CCDC88A: variants seen among roughly 807,000 people sequenced by gnomAD.
The protein encoded by CCDC88A is girdin.
Under a neutral mutation model 234.3 loss-of-function variants are expected in CCDC88A, and 54 were observed. That is an observed-to-expected ratio of 0.23 (90% confidence interval 0.19 to 0.29). The LOEUF is 0.29. Ranked by LOEUF, CCDC88A falls within the 10% of genes least tolerant of loss-of-function variation. CCDC88A has a pLI of 1.00. For missense variants in CCDC88A, 1,832 were observed against 2,123.4 expected (o/e 0.86, Z 2.70); for synonymous variants, 753 against 737.8 (o/e 1.02, Z -0.33).
chr2:55,396,584 G>C (rs1034362207), intron 2 of CCDC88A, among the ~76,000 whole-genome samples: 1 of 151,902 alleles, frequency 6.6e-6, no homozygotes, highest in Non-Finnish European at 1.5e-5. Context: ...AAAAAAAAAG[G>C]TTGCACCTGG....
chr2:55,354,959 A>G (rs1670371639), intron 8 of CCDC88A, among the ~76,000 whole-genome samples: 1 of 149,324 alleles, frequency 6.7e-6, no homozygotes, highest in Admixed American at 6.8e-5. Flanking sequence ...ATGCCTACAC[A>G]GGGTCAGGAA....
rs1488498465 is a variant in CCDC88A at position 55,374,869 on chromosome 2, T to C, written c.288A>G (p.Gln96=). 7 of 1,606,372 alleles carry C rather than the reference T, an allele frequency of 4.4e-6. No individual in the cohort carries two copies. Among genetic ancestry groups the C allele is most frequent in the African/African-American group, 1.3e-5 (1 of 74,840 alleles). Residue 96 remains glutamine, a synonymous_variant, in exon 4 of 33, where the codon CAA becomes CAG. Transcript: ENST00000436346. ...IKFYYQETLQ[Q]LIMMSLPNVL... Reference sequence around the variant, plus strand: ...CATTTGGCAACGACATCATGATCAATTGCTGCAAAGTCTCCTGTAAAAAAA... The same window carrying C: ...CATTTGGCAACGACATCATGATCAACTGCTGCAAAGTCTCCTGTAAAAAAA...
chr2:55,307,137 A>T (rs1681691535), intron 25 of CCDC88A, among the ~76,000 whole-genome samples: 1 of 152,174 alleles, frequency 6.6e-6, no homozygotes, highest in African/African-American at 2.4e-5. Context: ...CATATTTTGT[A>T]AGAACTTTGA....
chr2:55,369,449 C>CTT (rs10587591), intron 5 of CCDC88A, among the ~76,000 whole-genome samples: 16 of 125,444 alleles, frequency 1.3e-4, no homozygotes, highest in Non-Finnish European at 2.0e-4. Flanking sequence ...TTCAACCACA[C>CTT]TTTTTTTTTT....
At position 55,304,473 on chromosome 2, in the gene CCDC88A, A is replaced by G. The variant is rs185707003; in HGVS notation, c.4388-1321T>C. Among the ~76,000 whole-genome samples, 501 of 152,304 alleles carry G rather than the reference A, an allele frequency of 3.3e-3. 2 individuals carry two copies. Among genetic ancestry groups the G allele is most frequent in the African/African-American group, 8.2e-3 (342 of 41,554 alleles). ...TTCTAAAGATTAAATAAACAATCAC[A>G]TTAAGTTCATTTTACAAAAGATTCG... On this transcript the variant is annotated intron_variant, in intron 25 of 32. Coordinates refer to ENST00000436346, the MANE Select transcript of CCDC88A (RefSeq NM_001365480.1).
At chr2:55,348,536 G>A (rs933225331) in intron 9 of CCDC88A, 2 of 152,198 alleles carry the variant, frequency 1.3e-5, no homozygotes, top group African/African-American at 4.8e-5. Context: ...GCCTCCCAAA[G>A]TGCTGGGATT....
Position 55,289,424 on chromosome 2 carries a change from T to C in CCDC88A, c.*1776A>G, listed in dbSNP as rs1031142743. The C allele has an allele frequency of 6.6e-6, 1 of 152,558 alleles. No homozygotes were observed. Among genetic ancestry groups the C allele is most frequent in the Non-Finnish European group, 1.5e-5 (1 of 68,022 alleles). The allele number at this position is 152,558 out of a possible 1,614,324, so 9.5% of individuals were successfully genotyped here. ...AGACTGCTCTGATACCTATTACCAA[T>C]GTGCTACTTGAATCCAGGGAGTTAT... On this transcript the variant is annotated 3_prime_UTR_variant, in exon 33 of 33. Coordinates refer to ENST00000436346, the MANE Select transcript of CCDC88A (RefSeq NM_001365480.1).
intron 5 of CCDC88A, among the ~76,000 whole-genome samples, chr2:55,369,811 T>C (rs1449671481): frequency 6.6e-6 from 1 of 152,144 alleles, no homozygotes; most frequent in Non-Finnish European, 1.5e-5. Flanking sequence ...TTCCTAATAC[T>C]ACCAGTAAAC....
intron 3 of CCDC88A, among the ~76,000 whole-genome samples, chr2:55,376,988 G>A (rs1673749299): frequency 6.6e-6 from 1 of 152,022 alleles, no homozygotes. Context: ...CCACCACCAT[G>A]CCTGGCTAAT....
At chr2:55,401,494 GTATACA>G (rs1309886646) in intron 2 of CCDC88A, among the ~76,000 whole-genome samples, 1 of 7,462 alleles carries the variant, frequency 1.3e-4, no homozygotes, top group African/African-American at 4.5e-4. Context: ...ATGTGTGTGT[GTATACA>G]TATATATATA....
At chr2:55,311,410 A>G (rs760192812) in intron 23 of CCDC88A, among the ~76,000 whole-genome samples, 1 of 152,214 alleles carries the variant, frequency 6.6e-6, no homozygotes, top group Non-Finnish European at 1.5e-5. Flanking sequence ...CTGGTGCTTC[A>G]GAAAAATGTA....
At chr2:55,312,295 A>C in intron 23 of CCDC88A, 139 bp downstream of exon 23, 1 of 651,874 alleles carries the variant, frequency 1.5e-6, no homozygotes, top group Non-Finnish European at 2.6e-6. Context: ...GATTATTAGA[A>C]TAGTGCCTGG....
chr2:55,412,523 T>C (rs187199106), intron 2 of CCDC88A, among the ~76,000 whole-genome samples: 6 of 152,236 alleles, frequency 3.9e-5, no homozygotes, highest in Non-Finnish European at 7.4e-5. Context: ...ACAAACCCTA[T>C]TGTGAACTGT....
intron 5 of CCDC88A, among the ~76,000 whole-genome samples, chr2:55,369,935 G>A (rs927035751): frequency 1.6e-4 from 24 of 152,132 alleles, no homozygotes; most frequent in Middle Eastern, 3.4e-3. Context: ...TGAGCTTTAC[G>A]TCTTTTTTCT....
intron 2 of CCDC88A, among the ~76,000 whole-genome samples, chr2:55,408,990 T>G (rs1337248358): frequency 1.3e-5 from 2 of 151,302 alleles, no homozygotes; most frequent in African/African-American, 2.5e-5. Flanking sequence ...ATTCAGAATT[T>G]CCAATTCTGA....
intron 2 of CCDC88A, among the ~76,000 whole-genome samples, chr2:55,392,539 TAG>T (rs772121925): frequency 7.9e-5 from 12 of 152,234 alleles, no homozygotes; most frequent in Non-Finnish European, 1.6e-4. Context: ...GGCCTTTTAT[TAG>T]ATTTATTCCT....
intron 2 of CCDC88A, chr2:55,405,694 T>A (rs1025266013): frequency 6.6e-6 from 1 of 152,136 alleles, no homozygotes; most frequent in African/African-American, 2.4e-5. Context: ...TAGATTTTCT[T>A]AGGAGCACGA....
intron 7 of CCDC88A, among the ~76,000 whole-genome samples, chr2:55,361,041 ACACCACTG>A (rs1435877381): frequency 2.0e-5 from 3 of 152,156 alleles, no homozygotes; most frequent in African/African-American, 7.2e-5. Context: ...AGCCGAGACC[ACACCACTG>A]CACTCCAGCC....
intron 3 of CCDC88A, among the ~76,000 whole-genome samples, chr2:55,384,522 TATATATATAC>T (rs1440282624): frequency 0.042 from 418 of 9,992 alleles, 114 homozygotes; most frequent in African/African-American, 0.17. Context: ...ATATAAATTA[TATATATATAC>T]ATATATACGT....
Sources: allele counts gnomAD v4.1 joint callset (sites outside exome capture counted in the v4.1 genomes callset), GRCh38; gene constraint gnomAD v4.1.1; transcripts MANE v1.5; gene names NCBI Gene and HGNC (gene_info 2026-07-23, HGNC 2026-07-21).